The following COPB2 variants were observed in gnomAD, a reference collection of about 807,000 sequenced individuals.
The protein encoded by COPB2 is coat protein complex I subunit beta 2, also known as coatomer subunit beta'.
A neutral mutation model predicts 120.8 loss-of-function variants in COPB2; 16 were observed. That is an observed-to-expected ratio of 0.13 (90% CI 0.09 to 0.20). The LOEUF (loss-of-function observed/expected upper bound fraction) is 0.20, where lower values mean the gene tolerates loss of function less well. COPB2 is among the 10% of genes least tolerant of loss of function. The probability of loss-of-function intolerance (pLI) is 1.00; values close to 1 mark genes in which losing one functional copy is unlikely to be tolerated. For synonymous variants in COPB2, 332 were observed against 366.3 expected, an observed-to-expected ratio of 0.91 and a Z score of 1.07; for missense variants, 794 against 1,076.5, an observed-to-expected ratio of 0.74 and a Z score of 3.67.
chr3:139,358,381 A>T, intron 20 of COPB2, 110 bp from the exon 21 acceptor site: 1 of 985,852 alleles, frequency 1.0e-6, no homozygotes, highest in East Asian at 2.5e-5. Flanking sequence ...GATGATGTTT[A>T]AAAGTGAACC....
In COPB2 at chr3:139,379,406, T is replaced by G; in HGVS notation, c.202A>C (p.Arg68=). 1 of 1,614,162 alleles carries G rather than the reference T, an allele frequency of 6.2e-7. No individual in the cohort carries two copies. Among genetic ancestry groups the G allele is most frequent in the Non-Finnish European group, 8.5e-7 (1 of 1,180,012 alleles). ...GCTCCTGTCACAACCCAATTCTTCC[T>G]TGCAACAAACTTTGCAGCTCGAACA... ...LPVRAAKFVA[R]KNWVVTGADD... The change falls in exon 3 of 22, where the codon AGG becomes CGG. Residue 68 remains arginine, a synonymous_variant. Coordinates refer to ENST00000333188, the MANE Select transcript of COPB2 (RefSeq NM_004766.3).
At chr3:139,387,204 C>CCG (rs1197734048) in intron 1 of COPB2, among the ~76,000 whole-genome samples, 1 of 149,916 alleles carries the variant, frequency 6.7e-6, no homozygotes, top group African/African-American at 2.5e-5. Context: ...GAGTGAGATT[C>CCG]TGTCAAGAAA....
chr3:139,367,277 A>C, intron 13 of COPB2, 132 bp from the exon 14 acceptor site: 2 of 1,170,286 alleles, frequency 1.7e-6, no homozygotes. Context: ...TCTAGAAAAA[A>C]AAAATTTTCC....
intron 13 of COPB2, among the ~76,000 whole-genome samples, chr3:139,367,378 C>G (rs1013530257): frequency 6.6e-6 from 1 of 151,532 alleles, no homozygotes; most frequent in Non-Finnish European, 1.5e-5. Flanking sequence ...ACTTCTACCT[C>G]CCGGATTCAA....
chr3:139,373,742 C>G lies in COPB2; in HGVS notation c.818G>C (p.Arg273Thr). The change falls in exon 8 of 22, where the codon AGG becomes ACG. Residue 273 changes from arginine (R) to threonine (T), a missense_variant. This residue lies in a region of COPB2 where 610 missense variants were observed against 866.7 expected (regional missense o/e 0.70). Coordinates refer to ENST00000333188, the MANE Select transcript of COPB2 (RefSeq NM_004766.3). ...TCTTAGACTGGCCACGCACCATACC[C>G]TCTCCATTCCATAATTCAGTGTGCT... The part of the protein sequence containing the change: ...LESTLNYGME[R>T]VWCVASLRGS... 1 of 1,614,142 alleles carries G rather than the reference C, an allele frequency of 6.2e-7. No homozygotes were observed. Among genetic ancestry groups the G allele is most frequent in the East Asian group, 2.2e-5 (1 of 44,874 alleles).
intron 10 of COPB2, 56 bp from the exon 11 acceptor site, chr3:139,369,600 A>C: frequency 9.4e-7 from 1 of 1,060,850 alleles, no homozygotes; most frequent in South Asian, 1.5e-5. Context: ...TCATAGTTCT[A>C]CCAAATGTTG....
chr3:139,364,288 C>T (rs375441711), intron 15 of COPB2, among the ~76,000 whole-genome samples: 14 of 152,058 alleles, frequency 9.2e-5, no homozygotes, highest in Non-Finnish European at 1.6e-4. Flanking sequence ...ACTCTAGATC[C>T]GCTCCCCTCT....
chr3:139,357,752 A>C lies in COPB2; in HGVS notation c.*111T>G, dbSNP rs1424032086. On this transcript the variant is annotated 3_prime_UTR_variant, in exon 22 of 22. Transcript: ENST00000333188. The stretch of plus-strand genomic sequence containing the variant: ...GCTCCCAGTGGTCCACAGCATTTAC[A>C]TATAAAAATCTAAGAAGTTTCTCAT... The C allele has an allele frequency of 3.7e-6, 2 of 547,436 alleles. No homozygotes were observed. The highest frequency in any genetic ancestry group is 6.3e-6 in the Non-Finnish European group (2 of 316,108). 33.9% of individuals were successfully genotyped at this position (547,436 alleles called of 1,614,324 possible).
At chr3:139,372,583 T>A (rs897536867) in intron 9 of COPB2, among the ~76,000 whole-genome samples, 1 of 152,190 alleles carries the variant, frequency 6.6e-6, no homozygotes, top group Non-Finnish European at 1.5e-5. Flanking sequence ...CTAGGCGGCA[T>A]ACTTGGTTTA....
rs10665711 is a variant in COPB2, at chr3:139,360,192, T to TA, written c.2211-831dup. Among the ~76,000 whole-genome samples, 358 of 147,456 alleles carry TA rather than the reference T, an allele frequency of 2.4e-3. 4 individuals are homozygous for TA. The highest frequency in any genetic ancestry group is 3.5e-3 in the Middle Eastern group (1 of 286). On this transcript the variant is annotated intron_variant, in intron 17 of 21. Coordinates refer to ENST00000333188, the MANE Select transcript of COPB2 (RefSeq NM_004766.3). ...AGTTATATGGCGAAGTATGGGATTG[T>TA]AAAAAAAAAAAAAAATCAGTATGTA...
In COPB2 at chr3:139,378,200, A is replaced by G; in HGVS notation, c.356-11T>C. ...TAATAAGCATGTCATCTAGGCCAAAAGAAAGTCTCAAGTTAGTTGTAATTC... is the reference window on the plus strand; with the variant it reads ...TAATAAGCATGTCATCTAGGCCAAAGGAAAGTCTCAAGTTAGTTGTAATTC... On this transcript the variant is annotated splice_polypyrimidine_tract_variant and intron_variant, in intron 4 of 21. Transcript: ENST00000333188. 6.5e-7 allele frequency: 1 copy of G among 1,531,534 alleles called. No individual in the cohort carries two copies. Among genetic ancestry groups the G allele is most frequent in the Non-Finnish European group, 8.9e-7 (1 of 1,122,332 alleles). The allele number at this position is 1,531,534 out of a possible 1,614,324, so 94.9% of individuals were successfully genotyped here.
In COPB2 at chr3:139,373,338, C is replaced by T; in HGVS notation, c.969G>A (p.Gln323=). 6.2e-7 allele frequency: 1 copy of T among 1,614,168 alleles called. No homozygotes were observed. Among genetic ancestry groups the T allele is most frequent in the South Asian group, 1.1e-5 (1 of 91,088 alleles). Residue 323 remains glutamine (Q), a synonymous_variant, in exon 9 of 22, where the codon CAG becomes CAA. Coordinates refer to ENST00000333188, the MANE Select transcript of COPB2 (RefSeq NM_004766.3). ...CTCCCATTGCTTTTAGGTTGGCCTG[C>T]TGGACTTCTGAATGCTTGGCCCAAA... The part of the protein sequence containing the change: ...KIIWAKHSEV[Q]QANLKAMGDA...
chr3:139,374,669 T>C, intron 6 of COPB2, 81 bp from the exon 7 acceptor site: 1 of 1,082,614 alleles, frequency 9.2e-7, no homozygotes, highest in South Asian at 1.6e-5. Context: ...AGTGTACAGA[T>C]ACATTATAAA....
At chr3:139,373,553 T>C (rs1941661501) in intron 8 of COPB2, 113 bp downstream of exon 8, 1 of 1,523,908 alleles carries the variant, frequency 6.6e-7, no homozygotes, top group Admixed American at 1.8e-5. Flanking sequence ...GTCTAGTGCT[T>C]AATGAAAGAA....
chr3:139,387,361 A>G (rs1351155438), intron 1 of COPB2, among the ~76,000 whole-genome samples: 1 of 152,214 alleles, frequency 6.6e-6, no homozygotes, highest in Non-Finnish European at 1.5e-5. Context: ...GAATAAGACA[A>G]TGTACTAGGT....
Position 139,373,256 on chromosome 3 carries a change from A to C in COPB2, c.1051T>G (p.Cys351Gly). The stretch of plus-strand genomic sequence containing the variant: ...TGAATAGTCTGAGGGTATATTTCAC[A>C]ACTGCCCATATCCTTTACTGCCAGT... ...LPLAVKDMGS[C>G]EIYPQTIQHN... Residue 351 changes from cysteine to glycine, a missense_variant, in exon 9 of 22, where the codon TGT (cysteine) becomes GGT (glycine). By Grantham distance (159) the Cys-to-Gly change is radical (BLOSUM62 -3). Around this residue, in one of 3 missense-constraint regions of COPB2, gnomAD observed 610 missense variants for 866.7 expected, o/e 0.70. Coordinates refer to ENST00000333188, the MANE Select transcript of COPB2 (RefSeq NM_004766.3). 1 of 1,614,088 alleles carries C rather than the reference A, an allele frequency of 6.2e-7. No homozygotes were observed. The highest frequency in any genetic ancestry group is 8.5e-7 in the Non-Finnish European group (1 of 1,179,972).
chr3:139,369,395 T>C (rs1941581966), intron 11 of COPB2, 28 bp from the exon 12 acceptor site: 1 of 1,607,632 alleles, frequency 6.2e-7, no homozygotes. Flanking sequence ...AGAGTTTTGC[T>C]TAGGCATTTT....
chr3:139,371,172 AT>A (rs1383770870), intron 10 of COPB2, among the ~76,000 whole-genome samples: 1 of 152,236 alleles, frequency 6.6e-6, no homozygotes, highest in Non-Finnish European at 1.5e-5. Context: ...GAGTTAAATG[AT>A]CTTTCCTGCT....
chr3:139,358,123 G>A, intron 21 of COPB2, 77 bp downstream of exon 21: 1 of 1,329,800 alleles, frequency 7.5e-7, no homozygotes, highest in Non-Finnish European at 1.1e-6. Context: ...TTAAACCACA[G>A]AGGCCTACGT....
Sources: gnomAD v4.1 joint callset for allele counts (sites outside exome capture counted in the v4.1 genomes callset) on GRCh38, gnomAD v4.1.1 for gene constraint, gnomAD v4.1.1 regional missense constraint, MANE v1.5 for transcripts, NCBI Gene and HGNC (gene_info 2026-07-23, HGNC 2026-07-21) for gene names.